BAZ2B: variants seen among roughly 807,000 people sequenced by gnomAD.
The protein encoded by BAZ2B is bromodomain adjacent to zinc finger domain 2B.
A neutral mutation model predicts 246.0 loss-of-function variants in BAZ2B; 91 were observed. The observed-to-expected ratio is 0.37, with a 90% confidence interval of 0.31 to 0.44. The LOEUF (loss-of-function observed/expected upper bound fraction) is 0.44. Ranked by LOEUF, BAZ2B falls within the 20% of genes least tolerant of loss-of-function variation. The probability of loss-of-function intolerance (pLI) is 1.00; values close to 1 mark genes in which losing one functional copy is unlikely to be tolerated. For missense variants in BAZ2B, 2,332 were observed against 2,533.7 expected (o/e 0.92, Z 1.71); for synonymous variants, 855 against 860.0 (o/e 0.99, Z 0.10).
chr2:159,402,374 C>T (rs1367763358), intron 16 of BAZ2B, among the ~76,000 whole-genome samples: 1 of 152,122 alleles, frequency 6.6e-6, no homozygotes, highest in African/African-American at 2.4e-5. Context: ...TGCTGGAACC[C>T]AGGAGGCGGA....
At chr2:159,509,162 C>A (rs2082648473) in intron 2 of BAZ2B, among the ~76,000 whole-genome samples, 1 of 151,904 alleles carries the variant, frequency 6.6e-6, no homozygotes. Flanking sequence ...TAACATATAT[C>A]AAAGAAAATA....
At chr2:159,592,081 C>T (rs1689524962) in intron 1 of BAZ2B, among the ~76,000 whole-genome samples, 1 of 151,514 alleles carries the variant, frequency 6.6e-6, no homozygotes, top group Non-Finnish European at 1.5e-5. Flanking sequence ...GGGTGCACCA[C>T]CAAACTCCAG....
intron 2 of BAZ2B, among the ~76,000 whole-genome samples, chr2:159,520,769 T>C (rs1351421784): frequency 2.6e-5 from 4 of 152,154 alleles, no homozygotes; most frequent in Non-Finnish European, 5.9e-5. Flanking sequence ...ATAATTTCAA[T>C]TGTGAGACAA....
the BAZ2B span, among the ~76,000 whole-genome samples, chr2:159,684,013 G>T: frequency 6.6e-6 from 1 of 152,202 alleles, no homozygotes; most frequent in Non-Finnish European, 1.5e-5. Context: ...AACCACTGCT[G>T]TTAGTCCTGT....
At chr2:159,587,394 G>A (rs1688296269) in intron 1 of BAZ2B, among the ~76,000 whole-genome samples, 1 of 151,950 alleles carries the variant, frequency 6.6e-6, no homozygotes, top group Non-Finnish European at 1.5e-5. Flanking sequence ...TTTCTTAATT[G>A]CCTATCTAAA....
In BAZ2B at chr2:159,424,580, T is replaced by G. The variant is rs1326889229; in HGVS notation, c.2466+3361A>C. Among the ~76,000 whole-genome samples the G allele has an allele frequency of 2.0e-5, 3 of 152,172 alleles. No homozygotes were observed. In the East Asian group the frequency reaches 5.8e-4, roughly 29 times the overall value. ...CATATAGAACTAACGTTGGGGGTTT[T>G]GGGATATGTTTTAAGATTAAAAAAT... On this transcript the variant is annotated intron_variant, in intron 13 of 36. Transcript: ENST00000392783.
intron 2 of BAZ2B, among the ~76,000 whole-genome samples, chr2:159,482,755 A>T (rs2150962581): frequency 6.6e-6 from 1 of 152,324 alleles, no homozygotes; most frequent in African/African-American, 2.4e-5. Flanking sequence ...ATGAAAAATT[A>T]ATACATTCAT....
chr2:159,557,223 T>TC (rs1405205253), intron 1 of BAZ2B, among the ~76,000 whole-genome samples: 12 of 145,710 alleles, frequency 8.2e-5, no homozygotes, highest in African/African-American at 3.1e-4. Context: ...CTAATTAATT[T>TC]TTTTTTTTTT....
chr2:159,642,238 CTTTT>C, the BAZ2B span, among the ~76,000 whole-genome samples: 1 of 131,728 alleles, frequency 7.6e-6, no homozygotes, highest in Admixed American at 8.0e-5. Flanking sequence ...TTCTTTCTTT[CTTTT>C]TTTTTTTTTT....
intron 31 of BAZ2B, among the ~76,000 whole-genome samples, chr2:159,339,884 T>C (rs1208495240): frequency 6.6e-6 from 1 of 152,016 alleles, no homozygotes; most frequent in Non-Finnish European, 1.5e-5. Flanking sequence ...TACTCTAGAA[T>C]GTAGAGAGTA....
At position 159,542,479 on chromosome 2, in the gene BAZ2B, T is replaced by A. The variant is rs762045792; in HGVS notation, c.-3+13344A>T. On this transcript the variant is annotated intron_variant, in intron 2 of 36. Coordinates refer to ENST00000392783, the MANE Select transcript of BAZ2B (RefSeq NM_013450.4). ...GTTCTTATGTACAAGGAATCTTCAA[T>A]AAGATTAATAAGCCAGGTGTGCCGG... Among the ~76,000 whole-genome samples the A allele has an allele frequency of 3.3e-5, 5 of 152,032 alleles. No individual in the cohort carries two copies. In the East Asian group the frequency reaches 7.8e-4, roughly 24 times the overall value.
At chr2:159,592,700 G>T (rs940222549) in intron 1 of BAZ2B, among the ~76,000 whole-genome samples, 7 of 152,232 alleles carry the variant, frequency 4.6e-5, no homozygotes, top group Middle Eastern at 6.8e-3. Context: ...GGCGTGCCAA[G>T]AACTATATGA....
At chr2:159,571,626 A>C (rs2151568074) in intron 1 of BAZ2B, among the ~76,000 whole-genome samples, 1 of 152,292 alleles carries the variant, frequency 6.6e-6, no homozygotes, top group East Asian at 1.9e-4. Flanking sequence ...GCTAATGGCC[A>C]ATTGTCTTAG....
At chr2:159,489,786 A>G (rs1417658889) in intron 2 of BAZ2B, among the ~76,000 whole-genome samples, 1 of 152,102 alleles carries the variant, frequency 6.6e-6, no homozygotes, top group Non-Finnish European at 1.5e-5. Context: ...ACAGGCACCT[A>G]TCTGTAGTCC....
chr2:159,383,724 T>A (rs1185369830), intron 23 of BAZ2B, 44 bp from the exon 24 acceptor site: 4 of 1,485,962 alleles, frequency 2.7e-6, no homozygotes, highest in Non-Finnish European at 3.7e-6. Flanking sequence ...TTAATCAATT[T>A]ATGCAATGCA....
intron 20 of BAZ2B, among the ~76,000 whole-genome samples, chr2:159,392,418 A>G (rs1387367031): frequency 2.0e-5 from 3 of 152,000 alleles, no homozygotes; most frequent in Admixed American, 6.6e-5. Context: ...GAGCTTCCAT[A>G]TAACTTATTA....
upstream of BAZ2B, among the ~76,000 whole-genome samples, chr2:159,619,064 T>A (rs1413005684): frequency 6.6e-6 from 1 of 152,038 alleles, no homozygotes; most frequent in Non-Finnish European, 1.5e-5. Flanking sequence ...AGTAATAAAA[T>A]TCATTAATTT....
At position 159,612,038 on chromosome 2, in the gene BAZ2B, G is replaced by C. The variant is rs1694817995; in HGVS notation, c.-46+4204C>G. Among the ~76,000 whole-genome samples the C allele has an allele frequency of 2.6e-5, 4 of 151,748 alleles. No homozygotes were observed. The South Asian group carries it at 8.3e-4, about 31-fold the overall frequency. ...TATTTAGTATCACACATTTTAGTAT[G>C]ATAGCTGAAACTATCAATAAAAGTT... On this transcript the variant is annotated intron_variant, in intron 1 of 36. Coordinates refer to ENST00000392783, the MANE Select transcript of BAZ2B (RefSeq NM_013450.4).
At chr2:159,698,674 GC>G in the BAZ2B span, among the ~76,000 whole-genome samples, 11 of 151,810 alleles carry the variant, frequency 7.2e-5, no homozygotes, top group Admixed American at 4.6e-4. Context: ...AGAATGTTTA[GC>G]CCTTCTCATC....
Sources: allele counts gnomAD v4.1 joint callset (sites outside exome capture counted in the v4.1 genomes callset), GRCh38; gene constraint gnomAD v4.1.1; transcripts MANE v1.5; gene names NCBI Gene and HGNC (gene_info 2026-07-23, HGNC 2026-07-21).